SPMIP3: variants seen among roughly 807,000 people sequenced by gnomAD.
SPMIP3 encodes the protein protein SPMIP3.
chr1:244,384,053 G>C, the SPMIP3 span, among the ~76,000 whole-genome samples: 1 of 151,960 alleles, frequency 6.6e-6, no homozygotes, highest in South Asian at 2.1e-4. Flanking sequence ...AACACCATCT[G>C]TTCTCCCCAA....
Sources: allele counts gnomAD v4.1 joint callset (sites outside exome capture counted in the v4.1 genomes callset), GRCh38; gene constraint gnomAD v4.1.1; transcripts MANE v1.5; gene names NCBI Gene and HGNC (gene_info 2026-07-23, HGNC 2026-07-21).